The following EYS variants were observed in gnomAD, a reference collection of about 807,000 sequenced individuals.
The protein encoded by EYS is EGF-like photoreceptor maintenance factor, also known as protein eyes shut homolog.
EYS carries 250 observed loss-of-function variants against 282.1 expected under a neutral mutation model. The observed-to-expected ratio is 0.89, with a 90% CI of 0.80 to 0.98. The LOEUF (loss-of-function observed/expected upper bound fraction) is 0.98, where lower values mean the gene tolerates loss of function less well. EYS is among the 50% of genes least tolerant of loss of function. EYS has a pLI of 0.00. For missense variants in EYS, 4,016 were observed against 3,709.0 expected (o/e 1.08, Z -2.15); for synonymous variants, 1,355 against 1,282.9 (o/e 1.06, Z -1.20).
chr6:65,230,076 T>A (rs1766728892), intron 12 of EYS, among the ~76,000 whole-genome samples: 1 of 151,922 alleles, frequency 6.6e-6, no homozygotes, highest in Non-Finnish European at 1.5e-5. Flanking sequence ...GAAAAGTGAA[T>A]ATTTATACAA....
intron 1 of EYS, among the ~76,000 whole-genome samples, chr6:65,695,960 A>G (rs1433863374): frequency 6.6e-6 from 1 of 152,010 alleles, no homozygotes; most frequent in Non-Finnish European, 1.5e-5. Context: ...TTGGTCTAAA[A>G]TAATTATTCT....
chr6:65,663,107 C>T (rs777639057), intron 1 of EYS, among the ~76,000 whole-genome samples: 16 of 152,100 alleles, frequency 1.1e-4, no homozygotes, highest in Non-Finnish European at 2.4e-4. Context: ...AGTAATCATA[C>T]GGGGGTAATC....
intron 32 of EYS, among the ~76,000 whole-genome samples, chr6:64,081,357 C>T (rs868831149): frequency 7.2e-5 from 11 of 152,124 alleles, no homozygotes; most frequent in Middle Eastern, 6.8e-3. Flanking sequence ...GCAGAGAACT[C>T]TGGATGTAAA....
intron 35 of EYS, among the ~76,000 whole-genome samples, chr6:63,959,986 T>C (rs1346933358): frequency 6.6e-6 from 1 of 151,362 alleles, no homozygotes; most frequent in Non-Finnish European, 1.5e-5. Flanking sequence ...GTAACAAACC[T>C]GCATGTTCTC....
intron 12 of EYS, among the ~76,000 whole-genome samples, chr6:65,246,197 T>C (rs1767175825): frequency 6.6e-6 from 1 of 152,166 alleles, no homozygotes; most frequent in African/African-American, 2.4e-5. Flanking sequence ...GCACTATGAA[T>C]AGATTATTGC....
intron 35 of EYS, among the ~76,000 whole-genome samples, chr6:63,908,936 G>GT (rs1773850765): frequency 6.6e-6 from 1 of 151,944 alleles, no homozygotes; most frequent in South Asian, 2.1e-4. Context: ...ACCTAAGACT[G>GT]TTTCAGGGGA....
In EYS at chr6:65,161,449, C is replaced by A. The variant is rs1434096039; in HGVS notation, c.2024-103722G>T. On this transcript the variant is annotated intron_variant, in intron 12 of 42. Coordinates refer to ENST00000503581, the MANE Select transcript of EYS (RefSeq NM_001142800.2). The stretch of plus-strand genomic sequence containing the variant: ...TTTATTGCAAAATTATGCATTTTTG[C>A]CTTGCCCATTTCCTCCAATTTTATT... Among the ~76,000 whole-genome samples the A allele has an allele frequency of 1.1e-4, 17 of 150,890 alleles. No individual in the cohort carries two copies. In the Admixed American group the frequency reaches 1.1e-3, roughly 10 times the overall value.
At chr6:64,238,454 T>C (rs774255924) in intron 30 of EYS, among the ~76,000 whole-genome samples, 19 of 152,198 alleles carry the variant, frequency 1.2e-4, no homozygotes, top group Admixed American at 3.9e-4. Context: ...ATGAATTATA[T>C]AGCGGTGAAG....
At chr6:64,417,359 G>A (rs1774087739) in intron 28 of EYS, among the ~76,000 whole-genome samples, 1 of 152,054 alleles carries the variant, frequency 6.6e-6, no homozygotes, top group Non-Finnish European at 1.5e-5. Context: ...GTTTACAATG[G>A]GTAGCAGTGC....
At chr6:65,068,426 C>T (rs1773810308) in intron 12 of EYS, among the ~76,000 whole-genome samples, 1 of 152,074 alleles carries the variant, frequency 6.6e-6, no homozygotes, top group Non-Finnish European at 1.5e-5. Context: ...CAATTTCTCC[C>T]ATTACACTTT....
intron 33 of EYS, among the ~76,000 whole-genome samples, chr6:64,063,031 A>C (rs1478773083): frequency 6.6e-6 from 1 of 151,738 alleles, no homozygotes; most frequent in African/African-American, 2.4e-5. Context: ...ATGACACTCT[A>C]CTCCTTTTTT....
intron 30 of EYS, among the ~76,000 whole-genome samples, chr6:64,296,590 ATATATATATTTTT>A (rs1769027859): frequency 2.1e-4 from 1 of 4,658 alleles, no homozygotes; most frequent in African/African-American, 8.2e-4. Flanking sequence ...ATATACATAT[ATATATATATTTTT>A]TTTTTTTTTT....
Position 64,626,144 on chromosome 6 carries a change from C to T in EYS, c.3545G>A (p.Gly1182Glu). 6.5e-7 allele frequency: 1 copy of T among 1,544,766 alleles called. No homozygotes were observed. The change falls in exon 23 of 43, where the codon GGA becomes GAA. Residue 1182 changes from glycine to glutamate, a missense_variant. Gly to Glu is a moderately conservative substitution (Grantham distance 98, BLOSUM62 -2). Coordinates refer to ENST00000503581, the MANE Select transcript of EYS (RefSeq NM_001142800.2). ...HGADCEDHIN[G>E]YVCKCQPGWS... Reference sequence around the variant, plus strand: ...ACCTGGTTGGCATTTGCAAACATATCCATTGATGTGATCTTCACAGTCTGC... The same window carrying T: ...ACCTGGTTGGCATTTGCAAACATATTCATTGATGTGATCTTCACAGTCTGC...
At chr6:64,303,400 G>A (rs934445832) in intron 30 of EYS, among the ~76,000 whole-genome samples, 4 of 152,172 alleles carry the variant, frequency 2.6e-5, no homozygotes, top group Non-Finnish European at 4.4e-5. Flanking sequence ...ATGCCTGACA[G>A]GCCTGTTGCT....
At chr6:64,193,325 T>A (rs1407608440) in intron 31 of EYS, among the ~76,000 whole-genome samples, 2 of 152,030 alleles carry the variant, frequency 1.3e-5, no homozygotes, top group Non-Finnish European at 2.9e-5. Flanking sequence ...TTCTTTTTTT[T>A]TTGGAAACGG....
intron 21 of EYS, among the ~76,000 whole-genome samples, chr6:64,818,958 T>C (rs752116966): frequency 6.6e-6 from 1 of 152,158 alleles, no homozygotes; most frequent in Non-Finnish European, 1.5e-5. Context: ...TTGCTGCCCA[T>C]CCAGCCCTAA....
At chr6:65,026,965 G>T (rs1315598338) in intron 13 of EYS, among the ~76,000 whole-genome samples, 1 of 148,730 alleles carries the variant, frequency 6.7e-6, no homozygotes, top group Non-Finnish European at 1.5e-5. Flanking sequence ...CAGTCAAAAA[G>T]TCACCACATG....
chr6:64,309,797 T>G (rs1331657075), intron 29 of EYS, among the ~76,000 whole-genome samples: 3 of 151,776 alleles, frequency 2.0e-5, no homozygotes, highest in Non-Finnish European at 4.4e-5. Context: ...AAACCCTGTC[T>G]CAACTAAAAA....
At chr6:64,997,815 AAAGT>A (rs1470914002) in intron 13 of EYS, 112 bp from the exon 14 acceptor site, 13 of 906,930 alleles carry the variant, frequency 1.4e-5, no homozygotes, top group African/African-American at 1.2e-4. Flanking sequence ...TTAACCAAAT[AAAGT>A]AAGAATTATT....
Sources: gnomAD v4.1 joint callset for allele counts (sites outside exome capture counted in the v4.1 genomes callset) on GRCh38, gnomAD v4.1.1 for gene constraint, MANE v1.5 for transcripts, NCBI Gene and HGNC (gene_info 2026-07-23, HGNC 2026-07-21) for gene names.